Variants in PUM3 observed in about 807,000 individuals in gnomAD.
The protein encoded by PUM3 is pumilio RNA binding family member 3.
Under a neutral mutation model 84.0 loss-of-function variants are expected in PUM3, and 91 were observed. The observed-to-expected ratio is 1.08, with a 90% CI of 0.91 to 1.29. The LOEUF is 1.29. PUM3 is among the 50% of genes most tolerant of loss of function. The pLI, the probability that PUM3 is intolerant of heterozygous loss-of-function variation, is 0.00. For missense variants in PUM3, 1,067 were observed against 767.5 expected (o/e 1.39, Z -4.61); for synonymous variants, 321 against 266.7 (o/e 1.20, Z -1.98).
intron 5 of PUM3, among the ~76,000 whole-genome samples, chr9:2,832,348 G>T (rs572605772): frequency 6.6e-6 from 1 of 152,106 alleles, no homozygotes; most frequent in Non-Finnish European, 1.5e-5. Flanking sequence ...GAAGGAACTC[G>T]CTATCTCTAT....
intron 12 of PUM3, among the ~76,000 whole-genome samples, chr9:2,821,282 C>G (rs965430158): frequency 3.3e-5 from 5 of 151,174 alleles, no homozygotes; most frequent in Admixed American, 2.6e-4. Context: ...ATCTCTACTA[C>G]TAATACAAAA....
chr9:2,821,544 G>T (rs1426399779), intron 12 of PUM3, among the ~76,000 whole-genome samples: 2 of 151,324 alleles, frequency 1.3e-5, no homozygotes, highest in African/African-American at 2.4e-5. Flanking sequence ...AACTAATTAA[G>T]GACAATAATT....
chr9:2,843,642 G>A (rs1214454237), intron 1 of PUM3, among the ~76,000 whole-genome samples: 67 of 139,358 alleles, frequency 4.8e-4, no homozygotes, highest in Non-Finnish European at 7.4e-4. Context: ...GTAGTGGCAC[G>A]ATCTTGGCTC....
chr9:2,842,208 C>T (rs1441066514), intron 1 of PUM3, among the ~76,000 whole-genome samples: 1 of 152,126 alleles, frequency 6.6e-6, no homozygotes, highest in Non-Finnish European at 1.5e-5. Context: ...GAATTCGCCC[C>T]CCTTTTTCCT....
chr9:2,830,152 A>T (rs776526163), intron 7 of PUM3, among the ~76,000 whole-genome samples: 5 of 152,228 alleles, frequency 3.3e-5, no homozygotes, highest in Non-Finnish European at 7.3e-5. Flanking sequence ...TCTGCTCGAA[A>T]AAAACAGTAG....
chr9:2,804,933 G>A (rs191090646), intron 17 of PUM3, among the ~76,000 whole-genome samples: 21 of 152,170 alleles, frequency 1.4e-4, no homozygotes, highest in African/African-American at 5.1e-4. Context: ...GCACAGAGAG[G>A]TCAGAGTTAG....
At chr9:2,834,264 A>G in intron 3 of PUM3, 98 bp from the exon 4 acceptor site, 1 of 1,026,196 alleles carries the variant, frequency 9.7e-7, no homozygotes, top group Non-Finnish European at 1.4e-6. Flanking sequence ...ATCAGGATCA[A>G]TGCTCATTCT....
intron 12 of PUM3, among the ~76,000 whole-genome samples, chr9:2,821,946 A>G (rs1161295340): frequency 6.6e-6 from 1 of 152,226 alleles, no homozygotes; most frequent in African/African-American, 2.4e-5. Flanking sequence ...TGAGGTAGAC[A>G]GATGTATGTA....
Position 2,812,273 on chromosome 9 carries a change from A to C in PUM3, c.1359T>G (p.His453Gln). Reference protein sequence around the residue: ...LYLLSPRDPAHTVREIIEVLQ... With the variant: ...LYLLSPRDPAQTVREIIEVLQ... ...GAACTTCAATGATTTCTCGTACTGT[A>C]TGTGCAGGATCTCTGGGGCTTAGTA... Residue 453 changes from histidine (H) to glutamine (Q), a missense_variant, in exon 14 of 18, where the codon CAT becomes CAG. His to Gln is a conservative substitution (Grantham distance 24, BLOSUM62 0). Coordinates refer to ENST00000397885, the MANE Select transcript of PUM3 (RefSeq NM_014878.5). The C allele has an allele frequency of 1.1e-5, 17 of 1,613,228 alleles. No individual in the cohort carries two copies. The highest frequency in any genetic ancestry group is 1.4e-5 in the Non-Finnish European group (17 of 1,179,222).
intron 8 of PUM3, 52 bp from the exon 9 acceptor site, chr9:2,828,830 C>T (rs772624115): frequency 9.8e-7 from 1 of 1,023,954 alleles, no homozygotes. Context: ...AATTTTTTCA[C>T]TTCAGGAAAA....
intron 13 of PUM3, among the ~76,000 whole-genome samples, chr9:2,819,750 T>C (rs1208905168): frequency 6.6e-6 from 1 of 152,230 alleles, no homozygotes; most frequent in Non-Finnish European, 1.5e-5. Flanking sequence ...TAAAGTACCA[T>C]GTTATCCTAA....
rs560173248 is a variant in PUM3 at position 2,839,279 on chromosome 9, A to G, written c.-10-762T>C. ...CATTTGGCTCATTTCTCCACTTTCC[A>G]AAGTTGGACGATCAACTCATTTGAA... On this transcript the variant is annotated intron_variant, in intron 1 of 17. Transcript: ENST00000397885. Among the ~76,000 whole-genome samples, 7 of 152,332 alleles carry G rather than the reference A, an allele frequency of 4.6e-5. No homozygotes were observed. The South Asian group carries it at 8.3e-4, about 18-fold the overall frequency.
At chr9:2,843,897 G>A (rs1816335927) in intron 1 of PUM3, 148 bp downstream of exon 1, 1 of 153,720 alleles carries the variant, frequency 6.5e-6, no homozygotes, top group African/African-American at 2.4e-5. Context: ...CTTCTTGCCA[G>A]GCTCCAGTCA....
At chr9:2,806,523 G>C (rs942938924) in intron 17 of PUM3, among the ~76,000 whole-genome samples, 2 of 152,166 alleles carry the variant, frequency 1.3e-5, no homozygotes, top group African/African-American at 4.8e-5. Context: ...ATTCAAACTA[G>C]GGTTGGTATC....
chr9:2,843,573 CTTTTTTTTT>C (rs34837134), intron 1 of PUM3, among the ~76,000 whole-genome samples: 1 of 96,400 alleles, frequency 1.0e-5, no homozygotes, highest in South Asian at 3.8e-4. Context: ...TCCCGCCCTT[CTTTTTTTTT>C]TTTTTTTTTT....
intron 13 of PUM3, among the ~76,000 whole-genome samples, chr9:2,815,994 G>GC (rs1372828761): frequency 9.9e-5 from 15 of 152,280 alleles, no homozygotes; most frequent in African/African-American, 3.6e-4. Context: ...CTCCTGTTTT[G>GC]CCAATGCGCT....
intron 9 of PUM3, 78 bp from the exon 10 acceptor site, chr9:2,827,229 C>T: frequency 1.1e-6 from 1 of 945,822 alleles, no homozygotes; most frequent in Non-Finnish European, 1.6e-6. Context: ...ATCTCAAAGT[C>T]CTAAAGTAAT....
intron 1 of PUM3, among the ~76,000 whole-genome samples, chr9:2,840,979 T>C (rs556064475): frequency 9.8e-5 from 15 of 152,384 alleles, no homozygotes; most frequent in African/African-American, 3.4e-4. Flanking sequence ...TATTAACTTA[T>C]GCATATGCAC....
chr9:2,820,337 T>C (rs1821563070), intron 12 of PUM3, among the ~76,000 whole-genome samples: 1 of 152,198 alleles, frequency 6.6e-6, no homozygotes, highest in Non-Finnish European at 1.5e-5. Context: ...TTGATTTTTT[T>C]TTAAAGCACA....
Sources: allele counts gnomAD v4.1 joint callset (sites outside exome capture counted in the v4.1 genomes callset), GRCh38; gene constraint gnomAD v4.1.1; transcripts MANE v1.5; gene names NCBI Gene and HGNC (gene_info 2026-07-23, HGNC 2026-07-21).